C13orf42: variants seen among roughly 807,000 people sequenced by gnomAD.
C13orf42 encodes chromosome 13 open reading frame 42.
chr13:51,141,910 T>C (rs1222226199), intron 1 of C13orf42, among the ~76,000 whole-genome samples: 1 of 152,232 alleles, frequency 6.6e-6, no homozygotes, highest in Non-Finnish European at 1.5e-5. Context: ...TTAAAATTAT[T>C]GGTAAAGTTA....
intron 1 of C13orf42, among the ~76,000 whole-genome samples, chr13:51,134,803 G>C (rs1210550453): frequency 6.6e-6 from 1 of 152,198 alleles, no homozygotes; most frequent in Non-Finnish European, 1.5e-5. Flanking sequence ...GCCACCTTAA[G>C]AGGACAAGAA....
At chr13:51,157,090 G>A (rs1953829857) in intron 1 of C13orf42, among the ~76,000 whole-genome samples, 1 of 152,184 alleles carries the variant, frequency 6.6e-6, no homozygotes. Context: ...CCAGATCCAG[G>A]CCTAGAACAC....
At chr13:51,147,500 TG>T (rs1441806772) in intron 1 of C13orf42, among the ~76,000 whole-genome samples, 3 of 151,880 alleles carry the variant, frequency 2.0e-5, no homozygotes. Flanking sequence ...GAGGCCGAGG[TG>T]GGTGGATCAC....
In C13orf42 at chr13:51,141,239, G is replaced by GT. The variant is rs564093151; in HGVS notation, n.137-28018dup. ...TTTTTTGAGCCAAAGGTTTTTTTTTGTTTTTTTTTTCTCAGTTGAATGAAT... is the reference window on the plus strand; with the variant it reads ...TTTTTTGAGCCAAAGGTTTTTTTTTGTTTTTTTTTTTCTCAGTTGAATGAAT... On this transcript the variant is annotated intron_variant and non_coding_transcript_variant, in intron 1 of 4. Coordinates refer to the C13orf42 transcript ENST00000433280. Among the ~76,000 whole-genome samples, 387 of 134,796 alleles carry GT rather than the reference G, an allele frequency of 2.9e-3. 1 individual carries two copies. Among genetic ancestry groups the GT allele is most frequent in the South Asian group, 0.024 (100 of 4,156 alleles). 88.4% of individuals were successfully genotyped at this position (134,796 alleles called of 152,430 possible). A position where few individuals can be genotyped will look rare whatever the true frequency, so the allele number is the denominator to read the frequency against.
At chr13:51,120,636 G>A (rs1593541769) in intron 1 of C13orf42, among the ~76,000 whole-genome samples, 2 of 152,194 alleles carry the variant, frequency 1.3e-5, no homozygotes, top group East Asian at 1.9e-4. Flanking sequence ...GGCACCAGAT[G>A]TGGAGTTAGA....
chr13:51,136,580 G>A (rs1593547707), intron 1 of C13orf42, among the ~76,000 whole-genome samples: 1 of 152,174 alleles, frequency 6.6e-6, no homozygotes, highest in Admixed American at 6.5e-5. Context: ...TATAAAGCAG[G>A]TCCCAGAGCT....
chr13:51,111,307 A>G (rs1174666997), upstream of C13orf42: 1 of 397,578 alleles, frequency 2.5e-6, no homozygotes, highest in Non-Finnish European at 4.4e-6. Context: ...GCCTCGCACC[A>G]TCTGCCTTCC....
At chr13:51,135,137 G>A (rs538402746) in intron 1 of C13orf42, among the ~76,000 whole-genome samples, 4 of 152,350 alleles carry the variant, frequency 2.6e-5, no homozygotes, top group South Asian at 2.1e-4. Flanking sequence ...GGCTGTCAGA[G>A]GAGGGAGGAA....
intron 1 of C13orf42, among the ~76,000 whole-genome samples, chr13:51,106,935 G>T (rs1344103461): frequency 1.3e-5 from 2 of 152,102 alleles, no homozygotes; most frequent in African/African-American, 4.8e-5. Context: ...TTGTTGTTTT[G>T]ATTTTAAAAT....
intron 1 of C13orf42, among the ~76,000 whole-genome samples, chr13:51,106,584 A>G (rs1036364672): frequency 5.3e-5 from 8 of 152,160 alleles, no homozygotes; most frequent in Admixed American, 1.3e-4. Flanking sequence ...TTTCCCCTTT[A>G]TAGAATGAGG....
chr13:51,127,782 G>C (rs1953588109), intron 1 of C13orf42, among the ~76,000 whole-genome samples: 1 of 152,142 alleles, frequency 6.6e-6, no homozygotes, highest in Non-Finnish European at 1.5e-5. Flanking sequence ...AAGAACAAAT[G>C]CTGTATTATT....
At chr13:51,107,958 A>AG (rs1953378947) in intron 1 of C13orf42, among the ~76,000 whole-genome samples, 1 of 152,236 alleles carries the variant, frequency 6.6e-6, no homozygotes, top group East Asian at 1.9e-4. Flanking sequence ...CAAACTGGGT[A>AG]GCTTCTGTAG....
At chr13:51,171,035 C>T (rs566034876) in intron 1 of C13orf42, among the ~76,000 whole-genome samples, 149 of 152,128 alleles carry the variant, frequency 9.8e-4, no homozygotes, top group Non-Finnish European at 1.8e-3. Flanking sequence ...ATTTCCGTGC[C>T]CCAACCCCTT....
chr13:51,138,167 T>C (rs780994127), intron 1 of C13orf42, among the ~76,000 whole-genome samples: 11 of 152,190 alleles, frequency 7.2e-5, no homozygotes, highest in South Asian at 2.1e-4. Flanking sequence ...GATTCACTCA[T>C]AGAGCTACAC....
Position 51,083,853 on chromosome 13 carries a change from A to T in C13orf42, c.*298T>A, listed in dbSNP as rs1953091127. Reference sequence around the variant, plus strand: ...CAGGCCAGGTGAGGTCAGGGGAGTGAGCCCAGACACTCCACTCAAGACCTT... The same window carrying T: ...CAGGCCAGGTGAGGTCAGGGGAGTGTGCCCAGACACTCCACTCAAGACCTT... On this transcript the variant is annotated 3_prime_UTR_variant, in exon 4 of 4. Coordinates refer to ENST00000563710, the MANE Select transcript of C13orf42 (RefSeq NM_001351589.3). The T allele has an allele frequency of 4.2e-6, 1 of 236,626 alleles. No individual in the cohort carries two copies. The highest frequency in any genetic ancestry group is 8.1e-6 in the Non-Finnish European group (1 of 123,496). The allele number at this position is 236,626 out of a possible 1,614,324, so 14.7% of individuals were successfully genotyped here. A position where few individuals can be genotyped will look rare whatever the true frequency, so the allele number is the denominator to read the frequency against.
At chr13:51,137,843 A>C (rs530200909) in intron 1 of C13orf42, among the ~76,000 whole-genome samples, 1 of 152,292 alleles carries the variant, frequency 6.6e-6, no homozygotes, top group South Asian at 2.1e-4. Flanking sequence ...GCATATGTAT[A>C]TATGCCTTCT....
chr13:51,148,924 T>C (rs1311539355), intron 1 of C13orf42, among the ~76,000 whole-genome samples: 2 of 152,210 alleles, frequency 1.3e-5, no homozygotes, highest in Non-Finnish European at 2.9e-5. Flanking sequence ...AGCTGCTCCT[T>C]CCTGGGGCCA....
intron 1 of C13orf42, among the ~76,000 whole-genome samples, chr13:51,127,748 T>C (rs1249158606): frequency 3.9e-5 from 6 of 152,186 alleles, no homozygotes; most frequent in Non-Finnish European, 8.8e-5. Flanking sequence ...AAACATTACA[T>C]TAAGTGAAAT....
At chr13:51,106,890 A>C (rs1953362465) in intron 1 of C13orf42, among the ~76,000 whole-genome samples, 1 of 152,216 alleles carries the variant, frequency 6.6e-6, no homozygotes, top group Non-Finnish European at 1.5e-5. Context: ...CTCATTCCCA[A>C]CACTGACACA....
Sources: allele counts gnomAD v4.1 joint callset (sites outside exome capture counted in the v4.1 genomes callset), GRCh38; gene constraint gnomAD v4.1.1; transcripts MANE v1.5; gene names NCBI Gene and HGNC (gene_info 2026-07-23, HGNC 2026-07-21).